Variants in FAF1 observed in about 807,000 individuals in gnomAD.
The protein encoded by FAF1 is Fas associated factor 1.
A neutral mutation model predicts 92.5 loss-of-function variants in FAF1; 25 were observed. The ratio of observed to expected loss-of-function variants is 0.27; its 90% confidence interval spans 0.20 to 0.38. The LOEUF is 0.38. Among genes scored for constraint, FAF1 ranks in the 10% least tolerant of loss-of-function variants. The probability of loss-of-function intolerance (pLI) is 1.00; values close to 1 mark genes in which losing one functional copy is unlikely to be tolerated. For missense variants in FAF1, 636 were observed against 793.3 expected, an observed-to-expected ratio of 0.80 and a Z score of 2.38; for synonymous variants, 234 against 273.2, an observed-to-expected ratio of 0.86 and a Z score of 1.42.
At chr1:50,689,327 G>A (rs973731424) in intron 7 of FAF1, among the ~76,000 whole-genome samples, 5 of 152,208 alleles carry the variant, frequency 3.3e-5, no homozygotes, top group African/African-American at 1.2e-4. Context: ...GCTCACGCCT[G>A]TAATCCCAGC....
intron 2 of FAF1, among the ~76,000 whole-genome samples, chr1:50,853,753 C>T (rs891591586): frequency 1.3e-5 from 2 of 151,878 alleles, no homozygotes; most frequent in South Asian, 2.1e-4. Flanking sequence ...ATCTAGAGAC[C>T]GTGTGTAAAA....
intron 13 of FAF1, among the ~76,000 whole-genome samples, chr1:50,561,816 C>T (rs879581454): frequency 1.3e-5 from 2 of 150,290 alleles, no homozygotes; most frequent in South Asian, 2.1e-4. Flanking sequence ...CAGAGCGAGA[C>T]GCCATCTAGG....
intron 17 of FAF1, among the ~76,000 whole-genome samples, chr1:50,485,667 CAAAAAA>C (rs999538430): frequency 4.4e-4 from 6 of 13,720 alleles, no homozygotes; most frequent in Non-Finnish European, 6.8e-4. Flanking sequence ...GAGACTGTCT[CAAAAAA>C]AAAAAAAAAA....
intron 15 of FAF1, among the ~76,000 whole-genome samples, chr1:50,527,165 T>G (rs953841459): frequency 6.6e-6 from 1 of 152,146 alleles, no homozygotes; most frequent in Non-Finnish European, 1.5e-5. Flanking sequence ...CCCTGATGAC[T>G]TTTTTGATTC....
chr1:50,917,099 T>C (rs1300981001), intron 1 of FAF1, among the ~76,000 whole-genome samples: 1 of 152,174 alleles, frequency 6.6e-6, no homozygotes, highest in Non-Finnish European at 1.5e-5. Context: ...GGCTTATGCT[T>C]GGGTAAACAG....
intron 4 of FAF1, among the ~76,000 whole-genome samples, chr1:50,763,181 T>A (rs1446155970): frequency 6.6e-6 from 1 of 151,928 alleles, no homozygotes; most frequent in Non-Finnish European, 1.5e-5. Context: ...TCACTTGAAC[T>A]CAGGAGGTAG....
chr1:50,500,692 G>A (rs1646973102), intron 15 of FAF1, among the ~76,000 whole-genome samples: 1 of 151,936 alleles, frequency 6.6e-6, no homozygotes, highest in Non-Finnish European at 1.5e-5. Flanking sequence ...TTCTCCTAAA[G>A]ACAATTGAAA....
rs190926573 is a variant in FAF1 at position 50,562,106 on chromosome 1, C to T, written c.1268+4971G>A. Among the ~76,000 whole-genome samples the T allele has an allele frequency of 1.9e-3, 282 of 152,248 alleles. 1 individual carries two copies. Among genetic ancestry groups the T allele is most frequent in the Non-Finnish European group, 3.4e-3 (234 of 68,026 alleles). On this transcript the variant is annotated intron_variant, in intron 13 of 18. Coordinates refer to ENST00000396153, the MANE Select transcript of FAF1 (RefSeq NM_007051.3). The stretch of plus-strand genomic sequence containing the variant: ...AAGACTTCCCAGAAGTGATACCTGT[C>T]CTGAATTTTAAGAAATTATTCTTTC...
intron 7 of FAF1, among the ~76,000 whole-genome samples, chr1:50,697,186 G>A (rs1657269461): frequency 6.6e-6 from 1 of 152,130 alleles, no homozygotes; most frequent in African/African-American, 2.4e-5. Context: ...CTTATTTTCA[G>A]CCAATCACTA....
intron 12 of FAF1, among the ~76,000 whole-genome samples, chr1:50,573,405 G>T (rs190816790): frequency 1.8e-3 from 276 of 151,954 alleles, no homozygotes; most frequent in Middle Eastern, 6.8e-3. Context: ...GGCCTGAAGC[G>T]GAATTTTAAA....
At chr1:50,679,197 G>A (rs1249498706) in intron 7 of FAF1, among the ~76,000 whole-genome samples, 1 of 151,976 alleles carries the variant, frequency 6.6e-6, no homozygotes. Context: ...CAAAATTACT[G>A]ATGGAAAGCA....
At chr1:50,873,263 T>C (rs1391478636) in intron 1 of FAF1, among the ~76,000 whole-genome samples, 1 of 152,164 alleles carries the variant, frequency 6.6e-6, no homozygotes, top group Non-Finnish European at 1.5e-5. Context: ...AACCAAAAAA[T>C]TAGTGACTCA....
intron 15 of FAF1, among the ~76,000 whole-genome samples, chr1:50,519,224 G>C (rs1052945455): frequency 1.3e-5 from 2 of 151,970 alleles, no homozygotes; most frequent in Admixed American, 6.6e-5. Flanking sequence ...CAGCTACTTG[G>C]GGGGCTGAGG....
chr1:50,609,510 G>A (rs1318790430), intron 8 of FAF1, among the ~76,000 whole-genome samples: 1 of 152,072 alleles, frequency 6.6e-6, no homozygotes, highest in African/African-American at 2.4e-5. Context: ...TCAGCCTCCT[G>A]AGCAGCTGAT....
Position 50,705,857 on chromosome 1 carries a change from G to C in FAF1, c.586C>G (p.Leu196Val), listed in dbSNP as rs780319988. 4 of 1,608,824 alleles carry C rather than the reference G, an allele frequency of 2.5e-6. No homozygotes were observed. Among genetic ancestry groups the C allele is most frequent in the Non-Finnish European group, 3.4e-6 (4 of 1,177,434 alleles). The change falls in exon 7 of 19, where the codon CTG becomes GTG. Residue 196 changes from leucine to valine, a missense_variant. Leu to Val is a conservative substitution (Grantham distance 32). Transcript: ENST00000396153. ...TGGACTTCTCGGTGGGTGATGATCA[G>C]CATGAAGTTTTGATTTAATGACTCC... ...LQESLNQNFMLIITHREVQRE... is the reference protein window; with the variant it reads ...LQESLNQNFMVIITHREVQRE...
rs1557948522 is a variant in FAF1 at position 50,447,537 on chromosome 1, G to C, written c.1870-6014C>G. 2.0e-5 allele frequency among the ~76,000 whole-genome samples: 3 copies of C among 152,238 alleles called. No homozygotes were observed. In the East Asian group the frequency reaches 5.8e-4, roughly 29 times the overall value. On this transcript the variant is annotated intron_variant, in intron 18 of 18. Coordinates refer to ENST00000396153, the MANE Select transcript of FAF1 (RefSeq NM_007051.3). ...TATTTGTTTGCTTGCCTTGCCTCTG[G>C]TGACCAATAACTTTCATTCTCTAGA...
chr1:50,637,916 A>G (rs565603697), intron 8 of FAF1, among the ~76,000 whole-genome samples: 3 of 150,178 alleles, frequency 2.0e-5, no homozygotes, highest in Non-Finnish European at 3.0e-5. Context: ...AAATTTGTGT[A>G]TATATATATA....
At chr1:50,926,059 T>A (rs1160145804) in intron 1 of FAF1, among the ~76,000 whole-genome samples, 2 of 151,958 alleles carry the variant, frequency 1.3e-5, no homozygotes, top group African/African-American at 4.8e-5. Flanking sequence ...CTATAAAAAG[T>A]AAAACAAGTT....
At chr1:50,644,554 C>T (rs1012255946) in intron 8 of FAF1, among the ~76,000 whole-genome samples, 2 of 152,150 alleles carry the variant, frequency 1.3e-5, no homozygotes, top group African/African-American at 4.8e-5. Context: ...GCCGCTGGAG[C>T]CTCCCAAAAC....
Sources: allele counts gnomAD v4.1 joint callset (sites outside exome capture counted in the v4.1 genomes callset), GRCh38; gene constraint gnomAD v4.1.1; transcripts MANE v1.5; gene names NCBI Gene and HGNC (gene_info 2026-07-23, HGNC 2026-07-21).